The following TM9SF4 variants were observed in gnomAD, a reference collection of about 807,000 sequenced individuals.
TM9SF4 encodes transmembrane 9 superfamily member 4.
In TM9SF4, 26 loss-of-function variants were observed where a neutral mutation model predicts 90.4. That is an observed-to-expected ratio of 0.29 (90% confidence interval 0.21 to 0.40). The LOEUF is 0.40. TM9SF4 is among the 10% of genes least tolerant of loss of function. The probability of loss-of-function intolerance (pLI) is 1.00; values close to 1 mark genes in which losing one functional copy is unlikely to be tolerated. For missense variants in TM9SF4, 549 were observed against 834.8 expected, an observed-to-expected ratio of 0.66 and a Z score of 4.22; for synonymous variants, 293 against 315.4, an observed-to-expected ratio of 0.93 and a Z score of 0.75.
At chr20:32,115,639 C>T (rs2046206748) in intron 1 of TM9SF4, among the ~76,000 whole-genome samples, 1 of 152,024 alleles carries the variant, frequency 6.6e-6, no homozygotes, top group South Asian at 2.1e-4. Context: ...TCCTCTTATG[C>T]TTGGTCTGAG....
At chr20:32,152,317 C>T (rs945330933) in intron 12 of TM9SF4, among the ~76,000 whole-genome samples, 13 of 151,462 alleles carry the variant, frequency 8.6e-5, no homozygotes, top group Admixed American at 3.3e-4. Flanking sequence ...GGATTTCCCT[C>T]GATGGATCCT....
At chr20:32,158,558 G>C in intron 15 of TM9SF4, 44 bp downstream of exon 15, 2 of 1,604,104 alleles carry the variant, frequency 1.2e-6, no homozygotes, top group Non-Finnish European at 1.7e-6. Flanking sequence ...ATGCTAGCCG[G>C]GTCACTCCCA....
chr20:32,128,259 A>C (rs2046452592), intron 1 of TM9SF4, among the ~76,000 whole-genome samples: 1 of 152,218 alleles, frequency 6.6e-6, no homozygotes, highest in Admixed American at 6.5e-5. Flanking sequence ...AGAGAAATAC[A>C]GACCACTACA....
At chr20:32,110,083 C>T in intron 1 of TM9SF4, 1 of 1,224,376 alleles carries the variant, frequency 8.2e-7, no homozygotes, top group Non-Finnish European at 1.0e-6. Context: ...CCTGACCCCT[C>T]TGAAGACCCC....
intron 1 of TM9SF4, among the ~76,000 whole-genome samples, chr20:32,119,033 A>G (rs1233106084): frequency 6.6e-6 from 1 of 152,150 alleles, no homozygotes; most frequent in Non-Finnish European, 1.5e-5. Context: ...AAATATATTC[A>G]ATTTTTACTT....
rs771926228 is a variant in TM9SF4, at chr20:32,154,153, T to C, written c.1246-950T>C. 2.6e-4 allele frequency among the ~76,000 whole-genome samples: 40 copies of C among 151,932 alleles called. 1 individual carries two copies. The highest frequency in any genetic ancestry group is 2.1e-4 in the South Asian group (1 of 4,796). ...GTTTTGTTAAAGTTGTTTTTTAGGGTTTTTGTGTGTGTGTGAGACAGAGTC... is the reference window on the plus strand; with the variant it reads ...GTTTTGTTAAAGTTGTTTTTTAGGGCTTTTGTGTGTGTGTGAGACAGAGTC... On this transcript the variant is annotated intron_variant, in intron 12 of 17. Coordinates refer to ENST00000398022, the MANE Select transcript of TM9SF4 (RefSeq NM_014742.4).
At chr20:32,139,265 G>A (rs150286203) in intron 3 of TM9SF4, among the ~76,000 whole-genome samples, 146 of 152,278 alleles carry the variant, frequency 9.6e-4, no homozygotes, top group Non-Finnish European at 1.7e-3. Context: ...TCTCCTCTGC[G>A]CCTCAGATCT....
intron 1 of TM9SF4, 107 bp downstream of exon 1, chr20:32,109,862 G>C (rs1331788778): frequency 1.9e-6 from 3 of 1,540,250 alleles, no homozygotes; most frequent in Non-Finnish European, 2.6e-6. Flanking sequence ...CGGGACCCCT[G>C]ACTCAGGCCT....
At chr20:32,122,039 C>A (rs1208132578) in intron 1 of TM9SF4, among the ~76,000 whole-genome samples, 2 of 140,020 alleles carry the variant, frequency 1.4e-5, no homozygotes, top group Admixed American at 6.9e-5. Flanking sequence ...CTGACCCCCC[C>A]ACCTCCCTCC....
Position 32,156,942 on chromosome 20 carries a change from C to CTTTTTTTTTT in TM9SF4, c.1330-846_1330-837dup, listed in dbSNP as rs71185385. ...TATTTTTTTTTTTCCTGGACATTTT[C>CTTTTTTTTTT]TTTTTTTTTTTTTTTGAGACGAAGT... On this transcript the variant is annotated intron_variant, in intron 13 of 17. Coordinates refer to ENST00000398022, the MANE Select transcript of TM9SF4 (RefSeq NM_014742.4). 6.5e-3 allele frequency among the ~76,000 whole-genome samples: 675 copies of CTTTTTTTTTT among 103,392 alleles called. 51 individuals carry two copies. The highest frequency in any genetic ancestry group is 0.034 in the Admixed American group (298 of 8,690). 67.8% of individuals were successfully genotyped at this position (103,392 alleles called of 152,430 possible).
Position 32,161,372 on chromosome 20 carries a change from C to T in TM9SF4, c.1779+7C>T. 2 of 1,613,050 alleles carry T rather than the reference C, an allele frequency of 1.2e-6. No homozygotes were observed. Among genetic ancestry groups the T allele is most frequent in the South Asian group, 1.1e-5 (1 of 91,038 alleles). Reference sequence around the variant, plus strand: ...CTTTTATTTCGTTAACAAGGTACTGCCCTCCTTGAGGAGGTCCTCTTAGTC... The same window carrying T: ...CTTTTATTTCGTTAACAAGGTACTGTCCTCCTTGAGGAGGTCCTCTTAGTC... On this transcript the variant is annotated splice_region_variant and intron_variant, in intron 17 of 17. Transcript: ENST00000398022.
chr20:32,118,601 GTATTTATT>G (rs72123388), intron 1 of TM9SF4, among the ~76,000 whole-genome samples: 10,213 of 146,230 alleles, frequency 0.07, 854 homozygotes, highest in African/African-American at 0.2. Context: ...TTATTTTGTT[GTATTTATT>G]TATTTATTTA....
At chr20:32,118,946 A>AC (rs774856737) in intron 1 of TM9SF4, among the ~76,000 whole-genome samples, 375 of 152,282 alleles carry the variant, frequency 2.5e-3, no homozygotes, top group Non-Finnish European at 4.4e-3. Flanking sequence ...TATTTTTAAT[A>AC]AGGGTGATCC....
intron 1 of TM9SF4, among the ~76,000 whole-genome samples, chr20:32,118,392 C>T (rs1279309382): frequency 6.6e-6 from 1 of 152,118 alleles, no homozygotes. Context: ...CAACCCATTT[C>T]CTTCACTTCT....
intron 8 of TM9SF4, 65 bp from the exon 9 acceptor site, chr20:32,146,720 G>A: frequency 6.7e-7 from 1 of 1,501,916 alleles, no homozygotes; most frequent in Non-Finnish European, 9.2e-7. Context: ...ATGTCTAGGA[G>A]GGCATGGAGC....
At chr20:32,109,959 T>G in intron 1 of TM9SF4, 1 of 1,412,520 alleles carries the variant, frequency 7.1e-7, no homozygotes, top group Non-Finnish European at 9.2e-7. Flanking sequence ...GGCCCCGAGT[T>G]TTGGGGGAGG....
intron 1 of TM9SF4, among the ~76,000 whole-genome samples, chr20:32,121,568 A>G (rs2046307839): frequency 6.6e-6 from 1 of 151,972 alleles, no homozygotes; most frequent in African/African-American, 2.4e-5. Context: ...TTTTCTTAGT[A>G]CAGAACAAAA....
At chr20:32,114,255 A>G (rs1382353160) in intron 1 of TM9SF4, among the ~76,000 whole-genome samples, 2 of 152,226 alleles carry the variant, frequency 1.3e-5, no homozygotes, top group Admixed American at 6.5e-5. Flanking sequence ...AATGACATCA[A>G]GATTCCTTTG....
At chr20:32,154,198 G>A (rs1488599654) in intron 12 of TM9SF4, among the ~76,000 whole-genome samples, 4 of 152,088 alleles carry the variant, frequency 2.6e-5, no homozygotes, top group Non-Finnish European at 4.4e-5. Context: ...TACCCAGGCT[G>A]GAGTGCAGTG....
Sources: allele counts gnomAD v4.1 joint callset (sites outside exome capture counted in the v4.1 genomes callset), GRCh38; gene constraint gnomAD v4.1.1; transcripts MANE v1.5; gene names NCBI Gene and HGNC (gene_info 2026-07-23, HGNC 2026-07-21).